CYP4F11: variants seen among roughly 807,000 people sequenced by gnomAD.
CYP4F11 encodes the protein cytochrome P450 family 4 subfamily F member 11.
In CYP4F11, 79 loss-of-function variants were observed where a neutral mutation model predicts 62.2. That is an observed-to-expected ratio of 1.27 (90% CI 1.06 to 1.53). The LOEUF is 1.53. CYP4F11 is among the 40% of genes most tolerant of loss of function. The pLI, the probability that CYP4F11 is intolerant of heterozygous loss-of-function variation, is 0.00. For synonymous variants in CYP4F11, 290 were observed against 263.7 expected, an observed-to-expected ratio of 1.10 and a Z score of -0.97; for missense variants, 777 against 680.5, an observed-to-expected ratio of 1.14 and a Z score of -1.58.
chr19:15,933,205 G>C (rs201840625), intron 1 of CYP4F11, among the ~76,000 whole-genome samples: 1 of 25,078 alleles, frequency 4.0e-5, no homozygotes, highest in Admixed American at 4.1e-4. Flanking sequence ...AGTGAGTGAG[G>C]AGAGGAATGA....
rs3056063 is a variant in CYP4F11, at chr19:15,923,238, CCTCTCTCT to C, written c.918+566_918+573del. ...TTTTATTCCAGAACAAAGCAAACAT[CCTCTCTCT>C]CTCTCTCTCTCTCTCTCTCTCTCTC... is the stretch of plus-strand genomic sequence containing the variant. On this transcript the variant is annotated intron_variant, in intron 6 of 11. Coordinates refer to ENST00000402119, the MANE Select transcript of CYP4F11 (RefSeq NM_021187.4). 9.4e-3 allele frequency among the ~76,000 whole-genome samples: 1,041 copies of C among 110,512 alleles called. 10 individuals are homozygous for C. Among genetic ancestry groups the C allele is most frequent in the East Asian group, 0.023 (88 of 3,886 alleles). The allele number at this position is 110,512 out of a possible 152,430, so 72.5% of individuals were successfully genotyped here. A position where few individuals can be genotyped will look rare whatever the true frequency, so the allele number is the denominator to read the frequency against.
chr19:15,928,882 C>T (rs2089689296), intron 2 of CYP4F11, among the ~76,000 whole-genome samples: 1 of 152,172 alleles, frequency 6.6e-6, no homozygotes, highest in South Asian at 2.1e-4. Context: ...TTGAACATCA[C>T]ATAAATAGCA....
intron 7 of CYP4F11, 73 bp downstream of exon 7, chr19:15,922,291 C>T: frequency 6.2e-7 from 1 of 1,608,146 alleles, no homozygotes; most frequent in Non-Finnish European, 8.5e-7. Context: ...TTAAGTGATC[C>T]AGGGTCCACC....
At chr19:15,915,286 T>C (rs541431327) in intron 8 of CYP4F11, among the ~76,000 whole-genome samples, 1 of 152,290 alleles carries the variant, frequency 6.6e-6, no homozygotes, top group East Asian at 1.9e-4. Flanking sequence ...CAAATGCAAT[T>C]AGACAAGGGA....
At chr19:15,919,527 G>T (rs558426781) in intron 8 of CYP4F11, among the ~76,000 whole-genome samples, 38 of 152,060 alleles carry the variant, frequency 2.5e-4, no homozygotes, top group African/African-American at 9.2e-4. Context: ...TAGATAGACA[G>T]ATAGATAAGC....
intron 8 of CYP4F11, among the ~76,000 whole-genome samples, chr19:15,917,082 C>T (rs1024138160): frequency 2.0e-5 from 3 of 152,156 alleles, no homozygotes; most frequent in Non-Finnish European, 4.4e-5. Flanking sequence ...CCATAGAATA[C>T]TACTCAGCCA....
chr19:15,913,670 C>T lies in CYP4F11; in HGVS notation c.*62G>A, dbSNP rs1387468642. 2 of 1,600,648 alleles carry T rather than the reference C, an allele frequency of 1.2e-6. No homozygotes were observed. The highest frequency in any genetic ancestry group is 3.4e-5 in the Admixed American group (2 of 59,206). ...ATGCTGGCTGTCAACGAGGCTCAAG[C>T]AGAGGTGTCAGCATAGTTTTGTTTC... On this transcript the variant is annotated 3_prime_UTR_variant, in exon 12 of 12. Coordinates refer to ENST00000402119, the MANE Select transcript of CYP4F11 (RefSeq NM_021187.4).
At chr19:15,914,997 A>T in intron 8 of CYP4F11, 102 bp from the exon 9 acceptor site, 1 of 1,513,190 alleles carries the variant, frequency 6.6e-7, no homozygotes, top group Non-Finnish European at 8.8e-7. Flanking sequence ...TCACAAAATA[A>T]ATTCCACATG....
At chr19:15,914,970 G>A (rs192392601) in intron 8 of CYP4F11, 75 bp from the exon 9 acceptor site, 58 of 1,568,416 alleles carry the variant, frequency 3.7e-5, no homozygotes, top group African/African-American at 6.9e-5. Flanking sequence ...GTTTCCAAGC[G>A]AGACTTTTTC....
chr19:15,914,425 A>T (rs2089565665), intron 10 of CYP4F11, 38 bp from the exon 11 acceptor site: 1 of 1,601,262 alleles, frequency 6.2e-7, no homozygotes, highest in Non-Finnish European at 8.5e-7. Flanking sequence ...GGGTGGGGTC[A>T]CCCAGTTGGG....
upstream of CYP4F11, chr19:15,934,646 A>C: frequency 2.1e-6 from 1 of 471,538 alleles, no homozygotes; most frequent in Middle Eastern, 5.6e-4. Context: ...ATTAGAATCC[A>C]AAAAGGCCCA....
At chr19:15,914,462 C>T in intron 10 of CYP4F11, 75 bp from the exon 11 acceptor site, 1 of 1,563,688 alleles carries the variant, frequency 6.4e-7, no homozygotes, top group Admixed American at 1.7e-5. Flanking sequence ...TCTCCAAGAC[C>T]CCCGGCCTTG....
At chr19:15,921,366 C>A (rs1369361341) in intron 8 of CYP4F11, among the ~76,000 whole-genome samples, 1 of 152,194 alleles carries the variant, frequency 6.6e-6, no homozygotes, top group Non-Finnish European at 1.5e-5. Flanking sequence ...GCCACTGTGG[C>A]CGGGTGAGAC....
Position 15,934,460 on chromosome 19 carries a change from CCAGGAAGCTCCA to C in CYP4F11, c.-64_-53del. On this transcript the variant is annotated 5_prime_UTR_variant, in exon 1 of 12. Transcript: ENST00000402119. ...GGGATCCTGAGGCCCAGGGAAGGGC[CCAGGAAGCTCCA>C]AGGACAGTGGAAAGGGGCAAGGATG... is the stretch of plus-strand genomic sequence containing the variant. 4 of 1,594,222 alleles carry C rather than the reference CCAGGAAGCTCCA, an allele frequency of 2.5e-6. No homozygotes were observed. The highest frequency in any genetic ancestry group is 3.4e-6 in the Non-Finnish European group (4 of 1,172,498).
intron 8 of CYP4F11, among the ~76,000 whole-genome samples, chr19:15,920,436 A>G (rs2089616854): frequency 6.6e-6 from 1 of 152,218 alleles, no homozygotes; most frequent in South Asian, 2.1e-4. Flanking sequence ...GAGGAGTGTG[A>G]GGCTTAAGAA....
chr19:15,925,481 T>A (rs1419223924), intron 4 of CYP4F11, among the ~76,000 whole-genome samples: 1 of 151,868 alleles, frequency 6.6e-6, no homozygotes, highest in Non-Finnish European at 1.5e-5. Context: ...TCCCTATTAC[T>A]TGGGAGGGGA....
intron 8 of CYP4F11, 58 bp from the exon 9 acceptor site, chr19:15,914,953 C>T: frequency 6.3e-7 from 1 of 1,589,914 alleles, no homozygotes; most frequent in Non-Finnish European, 8.5e-7. Context: ...AATTCTCCAG[C>T]TTCTCTGTTT....
rs752351878 is a variant in CYP4F11 at position 15,914,825 on chromosome 19, G to A, written c.1186C>T (p.Pro396Ser). 3 of 1,613,998 alleles carry A rather than the reference G, an allele frequency of 1.9e-6. No individual in the cohort carries two copies. The highest frequency in any genetic ancestry group is 1.7e-6 in the Non-Finnish European group (2 of 1,180,030). Residue 396 changes from proline to serine, a missense_variant, in exon 9 of 12, where the codon CCG becomes TCG. By Grantham distance (74) the Pro-to-Ser change is moderately conservative (BLOSUM62 -1). Coordinates refer to ENST00000402119, the MANE Select transcript of CYP4F11 (RefSeq NM_021187.4). ...TGCGTGCAACATCGGGAGATGACCGGGACTGGGGGATGCAACCGCAGGCTC... is the reference window on the plus strand; with the variant it reads ...TGCGTGCAACATCGGGAGATGACCGAGACTGGGGGATGCAACCGCAGGCTC... ...KESLRLHPPV[P>S]VISRCCTQDF... is the part of the protein sequence containing the mutation.
Position 15,913,638 on chromosome 19 carries a change from G to A in CYP4F11, c.*94C>T, listed in dbSNP as rs2089555092. 1.3e-6 allele frequency: 2 copies of A among 1,501,572 alleles called. No individual in the cohort carries two copies. The highest frequency in any genetic ancestry group is 1.8e-6 in the Non-Finnish European group (2 of 1,094,748). 93.0% of individuals were successfully genotyped at this position (1,501,572 alleles called of 1,614,324 possible). A position where few individuals can be genotyped will look rare whatever the true frequency, so the allele number is the denominator to read the frequency against. ...TTTCTTAGATCCCACCAGTCCCCAGGAGCCCCATGCTGGCTGTCAACGAGG... is the reference window on the plus strand; with the variant it reads ...TTTCTTAGATCCCACCAGTCCCCAGAAGCCCCATGCTGGCTGTCAACGAGG... On this transcript the variant is annotated 3_prime_UTR_variant, in exon 12 of 12. Coordinates refer to ENST00000402119, the MANE Select transcript of CYP4F11 (RefSeq NM_021187.4).
Sources: gnomAD v4.1 joint callset for allele counts (sites outside exome capture counted in the v4.1 genomes callset) on GRCh38, gnomAD v4.1.1 for gene constraint, MANE v1.5 for transcripts, NCBI Gene and HGNC (gene_info 2026-07-23, HGNC 2026-07-21) for gene names.